Variants in TNFRSF1B observed in about 807,000 individuals in gnomAD.
The protein encoded by TNFRSF1B is TNF receptor superfamily member 1B, also known as tumor necrosis factor receptor superfamily member 1B.
In TNFRSF1B, 19 loss-of-function variants were observed where a neutral mutation model predicts 44.6. The observed-to-expected ratio is 0.43, with a 90% CI of 0.30 to 0.62. The LOEUF is 0.62. Ranked by LOEUF, TNFRSF1B falls within the 20% of genes least tolerant of loss-of-function variation. The pLI is 0.16. For synonymous variants in TNFRSF1B, 252 were observed against 261.1 expected (o/e 0.97, Z 0.34); for missense variants, 541 against 619.9 (o/e 0.87, Z 1.35).
At chr1:12,189,914 C>T (rs1370926207) in intron 2 of TNFRSF1B, among the ~76,000 whole-genome samples, 1 of 152,130 alleles carries the variant, frequency 6.6e-6, no homozygotes, top group Non-Finnish European at 1.5e-5. Flanking sequence ...ACAGCATGTG[C>T]GAAGGCCTTG....
chr1:12,194,555 C>T, intron 7 of TNFRSF1B, 29 bp from the exon 8 acceptor site: 1 of 1,614,056 alleles, frequency 6.2e-7, no homozygotes, highest in Non-Finnish European at 8.5e-7. Context: ...GGAAGTCAAT[C>T]TCTTACTTGT....
chr1:12,205,757 GATTA>G (rs913283086), intron 9 of TNFRSF1B, among the ~76,000 whole-genome samples: 6 of 152,228 alleles, frequency 3.9e-5, no homozygotes, highest in African/African-American at 1.4e-4. Context: ...GAGTAGCTGG[GATTA>G]TAGGCACCTG....
At chr1:12,176,693 A>T (rs1638663763) in intron 1 of TNFRSF1B, among the ~76,000 whole-genome samples, 1 of 152,218 alleles carries the variant, frequency 6.6e-6, no homozygotes, top group Non-Finnish European at 1.5e-5. Flanking sequence ...CAAGAGAGTG[A>T]CAGGGCAAAG....
At chr1:12,192,627 A>T (rs565635562) in intron 5 of TNFRSF1B, 103 bp downstream of exon 5, 6 of 1,228,332 alleles carry the variant, frequency 4.9e-6, no homozygotes, top group Non-Finnish European at 7.2e-6. Context: ...CATTGTCCAG[A>T]CTGCTTTATC....
intron 1 of TNFRSF1B, chr1:12,167,379 G>A (rs1333877701): frequency 4.7e-6 from 2 of 422,648 alleles, no homozygotes; most frequent in South Asian, 4.5e-5. Flanking sequence ...TGCGCTCGGG[G>A]CACAACTCTG....
chr1:12,183,707 T>TAGCTATCTAG lies in TNFRSF1B; in HGVS notation c.79-5089_79-5088insAGCTATCTAG, dbSNP rs1557628963. Among the ~76,000 whole-genome samples, 41 of 107,006 alleles carry TAGCTATCTAG rather than the reference T, an allele frequency of 3.8e-4. 1 individual carries two copies. Among genetic ancestry groups the TAGCTATCTAG allele is most frequent in the African/African-American group, 1.1e-3 (36 of 32,898 alleles). The allele number at this position is 107,006 out of a possible 152,430, so 70.2% of individuals were successfully genotyped here. A position where few individuals can be genotyped will look rare whatever the true frequency, so the allele number is the denominator to read the frequency against. On this transcript the variant is annotated intron_variant, in intron 1 of 9. Transcript: ENST00000376259. ...ATCTATCTATCTATCTATCTATCTA[T>TAGCTATCTAG]CTATTCTATCTACCTATCTATCTAT...
At chr1:12,196,611 T>C (rs1053727018) in intron 8 of TNFRSF1B, among the ~76,000 whole-genome samples, 6 of 152,210 alleles carry the variant, frequency 3.9e-5, no homozygotes, top group Non-Finnish European at 7.3e-5. Flanking sequence ...AGAAAAGAGA[T>C]GCAGGGAGGA....
intron 8 of TNFRSF1B, among the ~76,000 whole-genome samples, chr1:12,198,691 GTTTTTTTT>G (rs60313758): frequency 1.2e-5 from 1 of 85,652 alleles, no homozygotes; most frequent in Non-Finnish European, 2.2e-5. Context: ...CTGGAATTCT[GTTTTTTTT>G]TTTTTTTTTG....
In TNFRSF1B at chr1:12,183,758, TAGCTAGCTAG is replaced by T. The variant is rs1191410806; in HGVS notation, c.79-5037_79-5028del. ...CTATCTATCTATCTATCTAGCTAGC[TAGCTAGCTAG>T]CTATCTATTCTATCTACCTACCTAT... is the stretch of plus-strand genomic sequence containing the variant. On this transcript the variant is annotated intron_variant, in intron 1 of 9. Transcript: ENST00000376259. Among the ~76,000 whole-genome samples the T allele has an allele frequency of 7.4e-3, 826 of 111,470 alleles. 25 individuals carry two copies. Among genetic ancestry groups the T allele is most frequent in the African/African-American group, 0.018 (607 of 34,022 alleles). 73.1% of individuals were successfully genotyped at this position (111,470 alleles called of 152,430 possible).
intron 9 of TNFRSF1B, among the ~76,000 whole-genome samples, chr1:12,204,684 C>T (rs1213358947): frequency 6.6e-6 from 1 of 152,184 alleles, no homozygotes; most frequent in Non-Finnish European, 1.5e-5. Flanking sequence ...TTGGGCTGTC[C>T]TTGGCCGGAT....
chr1:12,172,852 T>C (rs1638551748), intron 1 of TNFRSF1B, among the ~76,000 whole-genome samples: 1 of 152,064 alleles, frequency 6.6e-6, no homozygotes, highest in Non-Finnish European at 1.5e-5. Context: ...GAGTGAAGGG[T>C]ACATTTGGTG....
rs1638708014 is a variant in TNFRSF1B, at chr1:12,178,297, G to A, written c.79-10499G>A. 6.6e-6 allele frequency among the ~76,000 whole-genome samples: 1 copy of A among 152,244 alleles called. No homozygotes were observed. The highest frequency in any genetic ancestry group is 1.5e-5 in the Non-Finnish European group (1 of 68,046). On this transcript the variant is annotated intron_variant, in intron 1 of 9. Coordinates refer to ENST00000376259, the MANE Select transcript of TNFRSF1B (RefSeq NM_001066.3). This position sits in a 1 kb window ranked among gnomAD's most constrained non-coding sequence, Gnocchi z 4.3. ...CTGGCTGTGTGTAGGGTGATGAGTA[G>A]CAGAAGCACGGGTGACACTGAGCTC...
intron 1 of TNFRSF1B, among the ~76,000 whole-genome samples, chr1:12,183,755 A>AT (rs1557629312): frequency 5.8e-4 from 60 of 103,636 alleles, no homozygotes; most frequent in African/African-American, 7.9e-4. Flanking sequence ...CTATCTAGCT[A>AT]GCTAGCTAGC....
chr1:12,167,864 G>C (rs1028894020), intron 1 of TNFRSF1B, among the ~76,000 whole-genome samples: 1 of 152,150 alleles, frequency 6.6e-6, no homozygotes, highest in Non-Finnish European at 1.5e-5. Flanking sequence ...TGAAGTCTCC[G>C]GGGGCCGCAG....
intron 4 of TNFRSF1B, 134 bp downstream of exon 4, chr1:12,192,057 C>A: frequency 8.1e-7 from 1 of 1,229,262 alleles, no homozygotes; most frequent in Non-Finnish European, 1.1e-6. Flanking sequence ...GTGCCTGCTA[C>A]CCATCCGTCT....
chr1:12,205,782 C>T (rs539844244), intron 9 of TNFRSF1B, among the ~76,000 whole-genome samples: 7 of 151,212 alleles, frequency 4.6e-5, no homozygotes, highest in Middle Eastern at 6.8e-3. Flanking sequence ...CCACCATACC[C>T]GGCTAATTTT....
intron 1 of TNFRSF1B, among the ~76,000 whole-genome samples, chr1:12,183,658 A>ATCTATCTATCTATCTATCTATCTATCTAT (rs1557628628): frequency 0.011 from 734 of 67,120 alleles, 23 homozygotes; most frequent in Middle Eastern, 0.028. Flanking sequence ...TATCTATTTT[A>ATCTATCTATCTATCTATCTATCTATCTAT]TCTATCTATC....
intron 1 of TNFRSF1B, among the ~76,000 whole-genome samples, chr1:12,174,160 T>TCTTCTTCTTCTC (rs1553162433): frequency 3.2e-4 from 22 of 67,894 alleles, no homozygotes; most frequent in East Asian, 1.6e-3. Flanking sequence ...TTCTTCTTCT[T>TCTTCTTCTTCTC]CTTCTCCTTC....
In TNFRSF1B at chr1:12,192,968, A is replaced by G. The variant is rs1639182486; in HGVS notation, c.657A>G (p.Pro219=). 6.2e-7 allele frequency: 1 copy of G among 1,614,054 alleles called. No homozygotes were observed. Among genetic ancestry groups the G allele is most frequent in the South Asian group, 1.1e-5 (1 of 91,090 alleles). The part of the protein sequence containing the change: ...MAPGAVHLPQ[P]VSTRSQHTQP... Reference sequence around the variant, plus strand: ...CAGGGGCAGTACACTTACCCCAGCCAGTGTCCACACGATCCCAACACACGC... The same window carrying G: ...CAGGGGCAGTACACTTACCCCAGCCGGTGTCCACACGATCCCAACACACGC... Residue 219 remains proline, a synonymous_variant, in exon 6 of 10, where the codon CCA becomes CCG. Coordinates refer to ENST00000376259, the MANE Select transcript of TNFRSF1B (RefSeq NM_001066.3).
Sources: gnomAD v4.1 joint callset for allele counts (sites outside exome capture counted in the v4.1 genomes callset) on GRCh38, gnomAD v4.1.1 for gene constraint, Gnocchi (gnomAD v3.1) non-coding constraint, MANE v1.5 for transcripts, NCBI Gene and HGNC (gene_info 2026-07-23, HGNC 2026-07-21) for gene names.